Variants in DNAI4 observed in about 807,000 individuals in gnomAD.
DNAI4 encodes dynein axonemal intermediate chain 4.
A neutral mutation model predicts 105.8 loss-of-function variants in DNAI4; 85 were observed. That is an observed-to-expected ratio of 0.80 (90% CI 0.67 to 0.96). The LOEUF (loss-of-function observed/expected upper bound fraction) is 0.96. Ranked by LOEUF, DNAI4 falls within the 40% of genes least tolerant of loss-of-function variation. The pLI is 0.00. For missense variants in DNAI4, 1,014 were observed against 1,005.6 expected, an observed-to-expected ratio of 1.01 and a Z score of -0.11; for synonymous variants, 352 against 331.5, an observed-to-expected ratio of 1.06 and a Z score of -0.67.
intron 13 of DNAI4, among the ~76,000 whole-genome samples, chr1:66,831,512 A>G (rs868280934): frequency 1.3e-5 from 2 of 152,220 alleles, no homozygotes; most frequent in Non-Finnish European, 2.9e-5. Flanking sequence ...ACAAACTTGA[A>G]AAGAAAAACT....
chr1:66,882,864 C>T (rs1223319802), intron 4 of DNAI4, among the ~76,000 whole-genome samples: 2 of 152,100 alleles, frequency 1.3e-5, no homozygotes, highest in East Asian at 3.9e-4. Flanking sequence ...TGGATTGAAT[C>T]TATACATCGA....
intron 11 of DNAI4, among the ~76,000 whole-genome samples, chr1:66,834,603 C>T (rs773511668): frequency 6.6e-6 from 1 of 152,024 alleles, no homozygotes; most frequent in Non-Finnish European, 1.5e-5. Flanking sequence ...CTATATTTCA[C>T]TCTTCCTCCT....
chr1:66,885,557 T>C (rs1647176117), intron 4 of DNAI4, among the ~76,000 whole-genome samples: 1 of 152,160 alleles, frequency 6.6e-6, no homozygotes, highest in Non-Finnish European at 1.5e-5. Context: ...ATGTAATTTA[T>C]ATCCTTGTTC....
Position 66,924,766 on chromosome 1 carries a change from C to G in DNAI4, c.66G>C (p.Arg22Ser), listed in dbSNP as rs144918004. 6.2e-7 allele frequency: 1 copy of G among 1,614,176 alleles called. No homozygotes were observed. Among genetic ancestry groups the G allele is most frequent in the Non-Finnish European group, 8.5e-7 (1 of 1,180,026 alleles). Residue 22 changes from arginine (R) to serine (S), a missense_variant, in exon 1 of 17, where the codon AGG becomes AGC. By Grantham distance (110) the Arg-to-Ser change is moderately radical. Transcript: ENST00000371026. The stretch of plus-strand genomic sequence containing the variant: ...CCTTTTTTTGGCCGCCTCTGAAGTC[C>G]CTGTACCCCCAAGCTCCTCCGTTAG... ...RAANGGAWGY[R>S]DFRGGQKKGW...
chr1:66,916,254 T>C (rs1650067664), intron 1 of DNAI4, among the ~76,000 whole-genome samples: 1 of 152,198 alleles, frequency 6.6e-6, no homozygotes, highest in Admixed American at 6.5e-5. Flanking sequence ...TTTTATATGA[T>C]CAAGTTGTCA....
At chr1:66,893,115 A>AAGAAAG (rs1557965796) in intron 3 of DNAI4, 114 bp downstream of exon 3, 5 of 513,750 alleles carry the variant, frequency 9.7e-6, no homozygotes, top group Non-Finnish European at 1.6e-5. Flanking sequence ...GAAAGAAAGA[A>AAGAAAG]AGAAAGAAAC....
At chr1:66,858,160 G>A (rs913318739) in intron 7 of DNAI4, among the ~76,000 whole-genome samples, 1 of 152,012 alleles carries the variant, frequency 6.6e-6, no homozygotes, top group Admixed American at 6.5e-5. Context: ...TATTAGGCTA[G>A]CATTACCCTA....
At chr1:66,912,999 A>G (rs1238319829) in intron 1 of DNAI4, among the ~76,000 whole-genome samples, 1 of 152,142 alleles carries the variant, frequency 6.6e-6, no homozygotes, top group Non-Finnish European at 1.5e-5. Context: ...CTTGCTTCCA[A>G]CACAAGAATG....
chr1:66,883,459 G>A (rs1352601950), intron 4 of DNAI4, among the ~76,000 whole-genome samples: 2 of 151,792 alleles, frequency 1.3e-5, no homozygotes, highest in East Asian at 1.9e-4. Context: ...TGGTTTTTTA[G>A]TATATACGGG....
intron 13 of DNAI4, among the ~76,000 whole-genome samples, chr1:66,830,808 AAAAT>A (rs1645851169): frequency 6.7e-6 from 1 of 150,132 alleles, no homozygotes; most frequent in South Asian, 2.1e-4. Context: ...TAAATAAAAT[AAAAT>A]AAATAAAATA....
intron 10 of DNAI4, among the ~76,000 whole-genome samples, chr1:66,836,148 GAA>G (rs1269608040): frequency 4.5e-5 from 1 of 22,026 alleles, no homozygotes; most frequent in Non-Finnish European, 1.1e-4. Context: ...AGAAAAGAAA[GAA>G]AGAAAGAAAG....
intron 1 of DNAI4, among the ~76,000 whole-genome samples, chr1:66,912,411 G>C (rs1437666970): frequency 6.6e-6 from 1 of 151,920 alleles, no homozygotes; most frequent in African/African-American, 2.4e-5. Context: ...AGAGGCTATA[G>C]TGAGCCAAGA....
intron 16 of DNAI4, among the ~76,000 whole-genome samples, chr1:66,817,979 A>T (rs1321049277): frequency 6.6e-6 from 1 of 152,232 alleles, no homozygotes; most frequent in Non-Finnish European, 1.5e-5. Context: ...AATAATCTTC[A>T]AAACTACTTA....
intron 1 of DNAI4, among the ~76,000 whole-genome samples, chr1:66,908,181 G>C (rs980564624): frequency 6.6e-6 from 1 of 152,098 alleles, no homozygotes; most frequent in African/African-American, 2.4e-5. Context: ...CTGTAAATTT[G>C]ATACTGTAAC....
intron 1 of DNAI4, 27 bp downstream of exon 1, chr1:66,924,635 A>T (rs555535237): frequency 1.9e-6 from 3 of 1,614,202 alleles, no homozygotes; most frequent in Non-Finnish European, 2.5e-6. Context: ...AGGGGGATGG[A>T]CTACGGTTTT....
chr1:66,846,921 G>A (rs999540631), intron 8 of DNAI4, among the ~76,000 whole-genome samples: 2 of 152,306 alleles, frequency 1.3e-5, no homozygotes, highest in East Asian at 1.9e-4. Flanking sequence ...GATGCGATTT[G>A]TAGCAATGAG....
In DNAI4 at chr1:66,889,034, T is replaced by A. The variant is rs138635883; in HGVS notation, c.643+2120A>T. ...AAGCTGGGGGAGGTTATGACAATAATCCAGTTTTCCCTGCCTCCACCTGAG... is the reference window on the plus strand; with the variant it reads ...AAGCTGGGGGAGGTTATGACAATAAACCAGTTTTCCCTGCCTCCACCTGAG... On this transcript the variant is annotated intron_variant, in intron 4 of 16. Coordinates refer to ENST00000371026, the MANE Select transcript of DNAI4 (RefSeq NM_024763.5). Among the ~76,000 whole-genome samples, 678 of 152,286 alleles carry A rather than the reference T, an allele frequency of 4.5e-3. 4 individuals are homozygous for A. The highest frequency in any genetic ancestry group is 0.015 in the African/African-American group (641 of 41,566).
intron 1 of DNAI4, among the ~76,000 whole-genome samples, chr1:66,924,247 T>C (rs978257719): frequency 6.6e-6 from 1 of 152,244 alleles, no homozygotes; most frequent in Non-Finnish European, 1.5e-5. Flanking sequence ...CTCGGCTTAC[T>C]GCAACCTCCG....
chr1:66,912,742 C>G (rs1649755895), intron 1 of DNAI4, among the ~76,000 whole-genome samples: 1 of 152,146 alleles, frequency 6.6e-6, no homozygotes, highest in Non-Finnish European at 1.5e-5. Context: ...TTAACTGAGA[C>G]CTGTCTCAAA....
Sources: allele counts gnomAD v4.1 joint callset (sites outside exome capture counted in the v4.1 genomes callset), GRCh38; gene constraint gnomAD v4.1.1; transcripts MANE v1.5; gene names NCBI Gene and HGNC (gene_info 2026-07-23, HGNC 2026-07-21).